The following ADGRB3 variants were observed in gnomAD, a reference collection of about 807,000 sequenced individuals.
ADGRB3 encodes the protein brain-specific angiogenesis inhibitor 3.
Under a neutral mutation model 193.4 loss-of-function variants are expected in ADGRB3, and 37 were observed. The ratio of observed to expected loss-of-function variants is 0.19; its 90% CI spans 0.15 to 0.25. The LOEUF (loss-of-function observed/expected upper bound fraction) is 0.25. Ranked by LOEUF, ADGRB3 falls within the 10% of genes least tolerant of loss-of-function variation. The pLI, the probability that ADGRB3 is intolerant of heterozygous loss-of-function variation, is 1.00. For synonymous variants in ADGRB3, 690 were observed against 644.2 expected (o/e 1.07, Z -1.08); for missense variants, 1,637 against 1,852.9 (o/e 0.88, Z 2.14).
intron 15 of ADGRB3, among the ~76,000 whole-genome samples, chr6:69,061,232 T>A (rs1771738812): frequency 6.6e-6 from 1 of 152,034 alleles, no homozygotes; most frequent in South Asian, 2.1e-4. Flanking sequence ...ACTGCATACA[T>A]GAGAAATGCA....
At chr6:68,804,014 C>CT (rs1767359051) in intron 3 of ADGRB3, among the ~76,000 whole-genome samples, 1 of 152,168 alleles carries the variant, frequency 6.6e-6, no homozygotes, top group African/African-American at 2.4e-5. Context: ...ACCTTCTCCA[C>CT]TTTTTTGACT....
chr6:69,340,397 A>G (rs1768949103), intron 26 of ADGRB3, among the ~76,000 whole-genome samples: 1 of 152,200 alleles, frequency 6.6e-6, no homozygotes, highest in Non-Finnish European at 1.5e-5. Context: ...TGACAAAAAC[A>G]CACATGACAT....
At chr6:68,993,706 A>C in intron 10 of ADGRB3, 62 bp from the exon 11 acceptor site, 2 of 1,485,820 alleles carry the variant, frequency 1.3e-6, no homozygotes, top group Non-Finnish European at 1.8e-6. Flanking sequence ...TGTTTGATGA[A>C]GTTATTCAGA....
intron 17 of ADGRB3, among the ~76,000 whole-genome samples, chr6:69,137,056 C>CTTTTTTTTTT (rs71548125): frequency 1.2e-5 from 1 of 80,106 alleles, no homozygotes; most frequent in African/African-American, 4.0e-5. Context: ...TCTTTTCTTT[C>CTTTTTTTTTT]TTTTTTTTTT....
chr6:69,049,101 A>G (rs2150302214), intron 14 of ADGRB3, among the ~76,000 whole-genome samples, 170 bp from the exon 15 acceptor site: 1 of 152,246 alleles, frequency 6.6e-6, no homozygotes, highest in Admixed American at 6.5e-5. Flanking sequence ...TAGAAAACAC[A>G]TCTTTGAGAG....
intron 6 of ADGRB3, among the ~76,000 whole-genome samples, chr6:68,953,046 T>G (rs1049321598): frequency 2.0e-5 from 3 of 152,138 alleles, no homozygotes; most frequent in African/African-American, 7.2e-5. Context: ...AAATAGATGT[T>G]CTCATTCTTC....
At chr6:68,956,002 G>T in intron 6 of ADGRB3, 22 bp from the exon 7 acceptor site, 1 of 1,608,644 alleles carries the variant, frequency 6.2e-7, no homozygotes, top group Non-Finnish European at 8.5e-7. Flanking sequence ...TCCTCATGCT[G>T]TCTCTTTTTC....
rs1234614168 is a variant in ADGRB3 at position 68,993,823 on chromosome 6, A to G, written c.1790A>G (p.Gln597Arg). 2 of 1,614,018 alleles carry G rather than the reference A, an allele frequency of 1.2e-6. No homozygotes were observed. Among genetic ancestry groups the G allele is most frequent in the African/African-American group, 2.7e-5 (2 of 75,030 alleles). ...ATGCTGGCAGGTGATGGAATGTCCC[A>G]GGTGACCAAGACACTGTTGGATTTA... ...QRMLAGDGMS[Q>R]VTKTLLDLTQ... The change falls in exon 11 of 32, where the codon CAG (glutamine) becomes CGG (arginine). Residue 597 changes from glutamine to arginine, a missense_variant. By Grantham distance (43) the Gln-to-Arg change is conservative. Around this residue, in one of 7 missense-constraint regions of ADGRB3, gnomAD observed 641 missense variants for 673.9 expected, o/e 0.95. Transcript: ENST00000370598.
intron 20 of ADGRB3, among the ~76,000 whole-genome samples, chr6:69,255,898 T>A (rs1402568393): frequency 7.2e-5 from 11 of 152,192 alleles, no homozygotes; most frequent in African/African-American, 2.7e-4. Context: ...AAGGAAGGGA[T>A]CCGGTTTCAG....
chr6:68,956,114 C>A lies in ADGRB3; in HGVS notation c.1286C>A (p.Ala429Glu), dbSNP rs186013318. Reference protein sequence around the residue: ...GTQQRSRQCTAAAHGGSECRG... With the variant: ...GTQQRSRQCTEAAHGGSECRG... ...CAGCAGAGAAGCCGGCAGTGCACTG[C>A]AGCTGCCCATGGAGGCTCCGAATGC... Residue 429 changes from alanine (A) to glutamate (E), a missense_variant, in exon 7 of 32, where the codon GCA becomes GAA. Transcript: ENST00000370598. 1 of 1,613,972 alleles carries A rather than the reference C, an allele frequency of 6.2e-7. No homozygotes were observed. The highest frequency in any genetic ancestry group is 2.2e-5 in the East Asian group (1 of 44,830).
chr6:69,320,963 CT>C (rs1768444193), intron 20 of ADGRB3, among the ~76,000 whole-genome samples: 1 of 151,528 alleles, frequency 6.6e-6, no homozygotes, highest in South Asian at 2.1e-4. Context: ...TTTCTGCCTT[CT>C]GGAAATACTT....
chr6:69,277,014 T>C (rs1767317216), intron 20 of ADGRB3, among the ~76,000 whole-genome samples: 1 of 151,196 alleles, frequency 6.6e-6, no homozygotes, highest in African/African-American at 2.4e-5. Flanking sequence ...TTTTTTTTTT[T>C]TAGATGGAGT....
intron 3 of ADGRB3, among the ~76,000 whole-genome samples, chr6:68,722,412 G>A (rs1765599646): frequency 6.6e-6 from 1 of 151,616 alleles, no homozygotes; most frequent in East Asian, 2.0e-4. Flanking sequence ...AACTACCATG[G>A]CACGTGTACG....
At chr6:68,725,611 T>C (rs1184416072) in intron 3 of ADGRB3, among the ~76,000 whole-genome samples, 1 of 151,666 alleles carries the variant, frequency 6.6e-6, no homozygotes, top group Non-Finnish European at 1.5e-5. Flanking sequence ...GGTTGCTGAG[T>C]ACACTGAAGA....
At chr6:68,733,280 A>G (rs1010898071) in intron 3 of ADGRB3, among the ~76,000 whole-genome samples, 3 of 149,060 alleles carry the variant, frequency 2.0e-5, no homozygotes, top group African/African-American at 4.9e-5. Context: ...TATTCCATAT[A>G]TATTCCTATA....
In ADGRB3 at chr6:68,952,413, A is replaced by T. The variant is rs190037804; in HGVS notation, c.1196-3611A>T. ...ATATAGTCTGTTGTCTAGTTTTTTA[A>T]GTTAAATTTATATATTCATCTCCTA... On this transcript the variant is annotated intron_variant, in intron 6 of 31. Coordinates refer to ENST00000370598, the MANE Select transcript of ADGRB3 (RefSeq NM_001704.3). Among the ~76,000 whole-genome samples the T allele has an allele frequency of 5.0e-3, 762 of 152,128 alleles. 9 individuals carry two copies. Among genetic ancestry groups the T allele is most frequent in the African/African-American group, 0.017 (703 of 41,530 alleles).
At chr6:69,065,760 T>TACACACACACACACACACACAC (rs1485700358) in intron 16 of ADGRB3, among the ~76,000 whole-genome samples, 2 of 118,128 alleles carry the variant, frequency 1.7e-5, no homozygotes, top group South Asian at 3.2e-4. Context: ...TTCATGTATA[T>TACACACACACACACACACACAC]ATATACACAC....
intron 13 of ADGRB3, among the ~76,000 whole-genome samples, chr6:69,029,241 T>G (rs1770538846): frequency 3.9e-5 from 6 of 152,226 alleles, no homozygotes; most frequent in Admixed American, 3.9e-4. Context: ...TTGTTTTCTT[T>G]TGTGCTAATA....
chr6:69,141,313 C>T (rs1774336674), intron 17 of ADGRB3, among the ~76,000 whole-genome samples: 1 of 151,934 alleles, frequency 6.6e-6, no homozygotes, highest in South Asian at 2.1e-4. Flanking sequence ...TTAGTAGTGA[C>T]GGGGTTTCAC....
Sources: gnomAD v4.1 joint callset for allele counts (sites outside exome capture counted in the v4.1 genomes callset) on GRCh38, gnomAD v4.1.1 for gene constraint, gnomAD v4.1.1 regional missense constraint, MANE v1.5 for transcripts, NCBI Gene and HGNC (gene_info 2026-07-23, HGNC 2026-07-21) for gene names.